The following DACH1 variants were observed in gnomAD, a reference collection of about 807,000 sequenced individuals.
DACH1 encodes dachshund family transcription factor 1.
A neutral mutation model predicts 54.2 loss-of-function variants in DACH1; 12 were observed. The observed-to-expected ratio is 0.22, with a 90% CI of 0.14 to 0.36. The LOEUF is 0.36. DACH1 is among the 10% of genes least tolerant of loss of function. The probability of loss-of-function intolerance (pLI) is 1.00; values close to 1 mark genes in which losing one functional copy is unlikely to be tolerated. For missense variants in DACH1, 805 were observed against 929.8 expected, an observed-to-expected ratio of 0.87 and a Z score of 1.75; for synonymous variants, 386 against 366.2, an observed-to-expected ratio of 1.05 and a Z score of -0.62.
rs117998886 is a variant in DACH1 at position 71,779,302 on chromosome 13, T to C, written c.848+86620A>G. Among the ~76,000 whole-genome samples the C allele has an allele frequency of 9.8e-4, 63 of 64,544 alleles. 1 individual carries two copies. The highest frequency in any genetic ancestry group is 3.3e-3 in the African/African-American group (33 of 9,958). The allele number at this position is 64,544 out of a possible 152,430, so 42.3% of individuals were successfully genotyped here. On this transcript the variant is annotated intron_variant, in intron 1 of 10. Coordinates refer to ENST00000613252, the MANE Select transcript of DACH1 (RefSeq NM_080759.6). ...ATATACGTATATATACACATATATA[T>C]ATTTATATACATATATATATAACAT... is the stretch of plus-strand genomic sequence containing the variant.
chr13:71,550,861 T>C (rs1437082122), intron 6 of DACH1, among the ~76,000 whole-genome samples: 2 of 152,188 alleles, frequency 1.3e-5, no homozygotes, highest in South Asian at 2.1e-4. Flanking sequence ...AGGTAGGTAA[T>C]AGAATATTTT....
intron 10 of DACH1, among the ~76,000 whole-genome samples, 180 bp from the exon 11 acceptor site, chr13:71,440,872 T>C (rs1215401627): frequency 6.6e-6 from 1 of 152,006 alleles, no homozygotes; most frequent in East Asian, 1.9e-4. Flanking sequence ...ACTGAGTTTA[T>C]GTGACTGAAA....
In DACH1 at chr13:71,438,777, A is replaced by G. The variant is rs1449888596; in HGVS notation, c.*1878T>C. On this transcript the variant is annotated 3_prime_UTR_variant, in exon 11 of 11. Coordinates refer to ENST00000613252, the MANE Select transcript of DACH1 (RefSeq NM_080759.6). ...TGCATATAGGGAAACAAACACATAG[A>G]ACTAGGAAAAGAATCCCTTGTGCTC... 6.6e-6 allele frequency: 1 copy of G among 152,472 alleles called. No individual in the cohort carries two copies. The highest frequency in any genetic ancestry group is 1.5e-5 in the Non-Finnish European group (1 of 67,906). The allele number at this position is 152,472 out of a possible 1,614,324, so 9.4% of individuals were successfully genotyped here. A position where few individuals can be genotyped will look rare whatever the true frequency, so the allele number is the denominator to read the frequency against.
intron 3 of DACH1, among the ~76,000 whole-genome samples, chr13:71,618,639 A>G (rs576269606): frequency 6.6e-5 from 10 of 152,088 alleles, no homozygotes; most frequent in Non-Finnish European, 1.0e-4. Context: ...TTTTTTTTTA[A>G]GAAAAATAAA....
chr13:71,676,829 A>G (rs1016407681), intron 2 of DACH1, among the ~76,000 whole-genome samples: 2 of 152,300 alleles, frequency 1.3e-5, no homozygotes, highest in Non-Finnish European at 2.9e-5. Flanking sequence ...AGCATAAGGT[A>G]TGTGTGTAGA....
chr13:71,486,591 A>AT (rs1259217369), intron 7 of DACH1, among the ~76,000 whole-genome samples: 1 of 152,118 alleles, frequency 6.6e-6, no homozygotes, highest in Non-Finnish European at 1.5e-5. Context: ...TTGTATATGT[A>AT]TGTGTGTGTA....
At chr13:71,722,984 C>T (rs1883298433) in intron 1 of DACH1, among the ~76,000 whole-genome samples, 1 of 152,084 alleles carries the variant, frequency 6.6e-6, no homozygotes, top group African/African-American at 2.4e-5. Context: ...GACTCAGTAC[C>T]ATCTATATTC....
At chr13:71,475,242 T>C in intron 9 of DACH1, 33 bp from the exon 10 acceptor site, 3 of 1,534,694 alleles carry the variant, frequency 2.0e-6, no homozygotes, top group Non-Finnish European at 2.7e-6. Context: ...GTGACACATA[T>C]TTCATTTGAT....
chr13:71,678,489 G>A (rs1353638285), intron 2 of DACH1, among the ~76,000 whole-genome samples: 2 of 152,184 alleles, frequency 1.3e-5, no homozygotes, highest in African/African-American at 4.8e-5. Flanking sequence ...TTGGACTAAT[G>A]TTTGAAAGTT....
chr13:71,837,331 T>A (rs769245379), intron 1 of DACH1, among the ~76,000 whole-genome samples: 2 of 152,150 alleles, frequency 1.3e-5, no homozygotes, highest in African/African-American at 4.8e-5. Flanking sequence ...CAATGGTAGA[T>A]AAAAGTATCT....
At chr13:71,584,485 TG>T (rs1346523456) in intron 3 of DACH1, among the ~76,000 whole-genome samples, 1 of 152,230 alleles carries the variant, frequency 6.6e-6, no homozygotes, top group Admixed American at 6.5e-5. Flanking sequence ...TTAATACTTG[TG>T]TGTGCAAATT....
intron 1 of DACH1, among the ~76,000 whole-genome samples, chr13:71,818,193 G>A (rs1296546384): frequency 6.6e-6 from 1 of 152,000 alleles, no homozygotes; most frequent in Non-Finnish European, 1.5e-5. Flanking sequence ...TGCCTTCAAG[G>A]AACTAGAATG....
At chr13:71,723,914 C>T (rs1003204827) in intron 1 of DACH1, among the ~76,000 whole-genome samples, 2 of 152,140 alleles carry the variant, frequency 1.3e-5, no homozygotes, top group African/African-American at 4.8e-5. Flanking sequence ...TGGTCTCAAA[C>T]TCCTGGCCTC....
intron 1 of DACH1, among the ~76,000 whole-genome samples, chr13:71,734,183 T>A (rs1400241179): frequency 1.2e-5 from 1 of 81,496 alleles, no homozygotes; most frequent in African/African-American, 5.7e-5. Context: ...TATATGTATA[T>A]CCCATATACG....
rs1426473701 is a variant in DACH1, at chr13:71,439,248, G to T, written c.*1407C>A. 1 of 152,350 alleles carries T rather than the reference G, an allele frequency of 6.6e-6. No individual in the cohort carries two copies. Among genetic ancestry groups the T allele is most frequent in the Non-Finnish European group, 1.5e-5 (1 of 67,876 alleles). The allele number at this position is 152,350 out of a possible 1,614,324, so 9.4% of individuals were successfully genotyped here. On this transcript the variant is annotated 3_prime_UTR_variant, in exon 11 of 11. Coordinates refer to ENST00000613252, the MANE Select transcript of DACH1 (RefSeq NM_080759.6). Reference sequence around the variant, plus strand: ...GTACTGATTCATATCAGTCTTTAAAGGTGTAATTCCAGATATGCAAAAAAC... The same window carrying T: ...GTACTGATTCATATCAGTCTTTAAATGTGTAATTCCAGATATGCAAAAAAC...
intron 2 of DACH1, among the ~76,000 whole-genome samples, chr13:71,661,466 T>A (rs1879481217): frequency 6.6e-6 from 1 of 151,978 alleles, no homozygotes. Flanking sequence ...TATAGATGAC[T>A]ATGTATATGA....
At chr13:71,778,455 C>T (rs1269932914) in intron 1 of DACH1, among the ~76,000 whole-genome samples, 2 of 152,046 alleles carry the variant, frequency 1.3e-5, no homozygotes, top group Non-Finnish European at 2.9e-5. Flanking sequence ...AATGAGAGCA[C>T]TCAATAGTTT....
chr13:71,781,834 C>T (rs1886396916), intron 1 of DACH1, among the ~76,000 whole-genome samples: 1 of 152,146 alleles, frequency 6.6e-6, no homozygotes, highest in Non-Finnish European at 1.5e-5. Flanking sequence ...AACCTCAGTT[C>T]AGTATAACAT....
intron 2 of DACH1, among the ~76,000 whole-genome samples, chr13:71,646,606 T>A (rs914214583): frequency 6.6e-6 from 1 of 152,170 alleles, no homozygotes; most frequent in Non-Finnish European, 1.5e-5. Context: ...ATCCATCTAT[T>A]TGATCAAGTT....
Sources: gnomAD v4.1 joint callset for allele counts (sites outside exome capture counted in the v4.1 genomes callset) on GRCh38, gnomAD v4.1.1 for gene constraint, MANE v1.5 for transcripts, NCBI Gene and HGNC (gene_info 2026-07-23, HGNC 2026-07-21) for gene names.